Variants in TM7SF3 observed in about 807,000 individuals in gnomAD.
The protein encoded by TM7SF3 is seven span transmembrane protein.
A neutral mutation model predicts 65.5 loss-of-function variants in TM7SF3; 60 were observed. The observed-to-expected ratio is 0.92, with a 90% CI of 0.74 to 1.14. TM7SF3 has a LOEUF of 1.14. Ranked by LOEUF, TM7SF3 falls within the 50% of genes most tolerant of loss-of-function variation. TM7SF3 has a pLI of 0.00. For missense variants in TM7SF3, 623 were observed against 684.8 expected (o/e 0.91, Z 1.01); for synonymous variants, 264 against 259.6 (o/e 1.02, Z -0.16).
chr12:27,013,250 T>C (rs571761796), intron 1 of TM7SF3, among the ~76,000 whole-genome samples: 4 of 152,372 alleles, frequency 2.6e-5, no homozygotes, highest in Non-Finnish European at 5.9e-5. Flanking sequence ...GTAAACGAAT[T>C]AATATCTCAT....
chr12:26,998,913 A>G (rs1940712395), intron 3 of TM7SF3, among the ~76,000 whole-genome samples: 1 of 152,114 alleles, frequency 6.6e-6, no homozygotes, highest in Non-Finnish European at 1.5e-5. Flanking sequence ...CCATTCTCCA[A>G]ATCATTTTTC....
intron 6 of TM7SF3, among the ~76,000 whole-genome samples, chr12:26,989,787 GC>G (rs773051859): frequency 9.9e-5 from 15 of 152,034 alleles, no homozygotes; most frequent in Non-Finnish European, 2.1e-4. Context: ...TTCTGCTCTT[GC>G]CTCCGTCTTT....
At chr12:26,993,508 T>A (rs935403927) in intron 5 of TM7SF3, among the ~76,000 whole-genome samples, 1 of 152,222 alleles carries the variant, frequency 6.6e-6, no homozygotes, top group Admixed American at 6.5e-5. Context: ...CTGCACTACA[T>A]AAGCACGTAA....
At chr12:26,991,869 T>C (rs1433492703) in intron 5 of TM7SF3, among the ~76,000 whole-genome samples, 1 of 152,240 alleles carries the variant, frequency 6.6e-6, no homozygotes, top group East Asian at 1.9e-4. Context: ...TATCATGACA[T>C]TTCACTTCTA....
At chr12:26,982,680 A>G in intron 7 of TM7SF3, 93 bp downstream of exon 7, 1 of 779,182 alleles carries the variant, frequency 1.3e-6, no homozygotes, top group Non-Finnish European at 2.0e-6. Context: ...AAGATAGTAG[A>G]GATAAGTAAG....
intron 9 of TM7SF3, among the ~76,000 whole-genome samples, chr12:26,977,272 T>A (rs1202015943): frequency 1.3e-5 from 2 of 152,212 alleles, no homozygotes; most frequent in East Asian, 3.8e-4. Flanking sequence ...ACAAAATACA[T>A]ATGTGGCTTT....
Position 27,014,279 on chromosome 12 carries a change from CATCG to C in TM7SF3, c.-115_-112del. 1.0e-6 allele frequency: 1 copy of C among 956,052 alleles called. No homozygotes were observed. The highest frequency in any genetic ancestry group is 1.5e-6 in the Non-Finnish European group (1 of 684,700). 59.2% of individuals were successfully genotyped at this position (956,052 alleles called of 1,614,324 possible). ...ATCCCGGGGCGCCCGCATCGGGCGC[CATCG>C]CCCGCCAGGTGCAGACGCTTCGCAC... On this transcript the variant is annotated 5_prime_UTR_variant, in exon 1 of 12. An upstream start codon of the reference 5' UTR is lost. Transcript: ENST00000343028.
At chr12:26,982,646 C>G in intron 7 of TM7SF3, 127 bp downstream of exon 7, 1 of 617,608 alleles carries the variant, frequency 1.6e-6, no homozygotes, top group East Asian at 3.0e-5. Flanking sequence ...CTCACGACTA[C>G]AAGACCCCAG....
intron 1 of TM7SF3, among the ~76,000 whole-genome samples, chr12:27,004,424 G>T (rs1565466894): frequency 6.6e-6 from 1 of 152,100 alleles, no homozygotes; most frequent in Non-Finnish European, 1.5e-5. Flanking sequence ...GATGAAAAAA[G>T]ATTATAATTC....
chr12:26,980,738 T>C lies in TM7SF3; in HGVS notation c.956-92A>G. 4.8e-6 allele frequency: 3 copies of C among 630,656 alleles called. No homozygotes were observed. The South Asian group carries it at 6.2e-5, about 13-fold the overall frequency. The allele number at this position is 630,656 out of a possible 1,614,324, so 39.1% of individuals were successfully genotyped here. A position where few individuals can be genotyped will look rare whatever the true frequency, so the allele number is the denominator to read the frequency against. ...TACAGTGCAATTTAAATATTTAATC[T>C]ACAAATACATGCTTAAGCTCCTGGA... On this transcript the variant is annotated intron_variant, in intron 7 of 11. Transcript: ENST00000343028.
intron 9 of TM7SF3, among the ~76,000 whole-genome samples, chr12:26,976,589 CTTAT>C (rs1939577869): frequency 6.6e-6 from 1 of 152,226 alleles, no homozygotes; most frequent in Non-Finnish European, 1.5e-5. Flanking sequence ...ACGCTCTGCA[CTTAT>C]TAACAAAATC....
At chr12:26,994,828 C>T (rs1362031483) in intron 5 of TM7SF3, among the ~76,000 whole-genome samples, 1 of 152,206 alleles carries the variant, frequency 6.6e-6, no homozygotes, top group African/African-American at 2.4e-5. Flanking sequence ...CCAAGTTAGA[C>T]TTTGAGTTTG....
Position 26,990,584 on chromosome 12 carries a change from G to A in TM7SF3, c.734C>T (p.Ser245Phe), listed in dbSNP as rs1329672831. ...TANDKTSVSF[S>F]SLPGQGVIYN... ...TATGACACCTTGTCCCGGGAGGGAG[G>A]AGAAGGAAACACTTGTCTTATCATT... Residue 245 changes from serine to phenylalanine, a missense_variant, in exon 6 of 12, where the codon TCC (serine) becomes TTC (phenylalanine). Coordinates refer to ENST00000343028, the MANE Select transcript of TM7SF3 (RefSeq NM_016551.3). 4 of 1,614,064 alleles carry A rather than the reference G, an allele frequency of 2.5e-6. No homozygotes were observed. Among genetic ancestry groups the A allele is most frequent in the South Asian group, 1.1e-5 (1 of 91,062 alleles).
chr12:26,979,890 G>C lies in TM7SF3; in HGVS notation c.1083C>G (p.Phe361Leu), dbSNP rs373018807. ...CAAATCGCCACCACACAGCTACCAA[G>C]AACATTCCACCGACGCTTCCAGTGA... ...TAVTGSVGGM[F>L]LVAVWWRFGI... Residue 361 changes from phenylalanine to leucine, a missense_variant, in exon 9 of 12, where the codon TTC becomes TTG. Physicochemically the swap from Phe to Leu is conservative, Grantham distance 22. Transcript: ENST00000343028. The C allele has an allele frequency of 4.3e-6, 7 of 1,614,170 alleles. No individual in the cohort carries two copies. The South Asian group carries it at 4.4e-5, about 10-fold the overall frequency.
At chr12:27,005,804 ATT>A (rs777552897) in intron 1 of TM7SF3, among the ~76,000 whole-genome samples, 7 of 144,856 alleles carry the variant, frequency 4.8e-5, no homozygotes, top group African/African-American at 2.5e-5. Flanking sequence ...ATTTTAACTG[ATT>A]TTTTTTTTTT....
At chr12:27,001,719 A>T (rs1241200100) in intron 2 of TM7SF3, among the ~76,000 whole-genome samples, 3 of 152,350 alleles carry the variant, frequency 2.0e-5, no homozygotes, top group Non-Finnish European at 4.4e-5. Flanking sequence ...AGATCTAGTT[A>T]AAAAAGAGAA....
chr12:26,989,620 C>T lies in TM7SF3; in HGVS notation c.868+830G>A. Among the ~76,000 whole-genome samples the T allele has an allele frequency of 1.3e-5, 2 of 151,922 alleles. 1 individual carries two copies. Among genetic ancestry groups the T allele is most frequent in the Non-Finnish European group, 2.9e-5 (2 of 67,976 alleles). ...GAAGATTATACAGAAATTCTTTATA[C>T]TATTTTTGCATATTTTCTGAGAAAC... On this transcript the variant is annotated intron_variant, in intron 6 of 11. Coordinates refer to ENST00000343028, the MANE Select transcript of TM7SF3 (RefSeq NM_016551.3).
rs560055643 is a variant in TM7SF3, at chr12:26,972,751, G to A, written c.*1214C>T. On this transcript the variant is annotated 3_prime_UTR_variant, in exon 12 of 12. Coordinates refer to ENST00000343028, the MANE Select transcript of TM7SF3 (RefSeq NM_016551.3). ...AGGTTTGAGCCACCGCACCTGGTCG[G>A]CAATATAGATTAAGGTGGGGGTTAT... Among the ~76,000 whole-genome samples the A allele has an allele frequency of 1.8e-3, 279 of 151,936 alleles. 3 individuals carry two copies. Among genetic ancestry groups the A allele is most frequent in the Middle Eastern group, 3.4e-3 (1 of 294 alleles).
chr12:26,973,782 C>T lies in TM7SF3; in HGVS notation c.*183G>A. On this transcript the variant is annotated 3_prime_UTR_variant, in exon 12 of 12. Coordinates refer to ENST00000343028, the MANE Select transcript of TM7SF3 (RefSeq NM_016551.3). Reference sequence around the variant, plus strand: ...CCACCAACCTTTTGGTCATCTTTCTCATTCTCTTACAATCATCCTAATCCC... The same window carrying T: ...CCACCAACCTTTTGGTCATCTTTCTTATTCTCTTACAATCATCCTAATCCC... 1 of 675,480 alleles carries T rather than the reference C, an allele frequency of 1.5e-6. No individual in the cohort carries two copies. 41.8% of individuals were successfully genotyped at this position (675,480 alleles called of 1,614,324 possible).
Sources: gnomAD v4.1 joint callset for allele counts (sites outside exome capture counted in the v4.1 genomes callset) on GRCh38, gnomAD v4.1.1 for gene constraint, MANE v1.5 for transcripts, NCBI Gene and HGNC (gene_info 2026-07-23, HGNC 2026-07-21) for gene names.